FOXP2: variants seen among roughly 807,000 people sequenced by gnomAD.
The protein encoded by FOXP2 is forkhead box P2.
In FOXP2, 12 loss-of-function variants were observed where a neutral mutation model predicts 115.8. The ratio of observed to expected loss-of-function variants is 0.10; its 90% CI spans 0.07 to 0.17. FOXP2 has a LOEUF of 0.17. Among genes scored for constraint, FOXP2 ranks in the 10% least tolerant of loss-of-function variants. The pLI is 1.00. For missense variants in FOXP2, 629 were observed against 843.5 expected, an observed-to-expected ratio of 0.75 and a Z score of 3.15; for synonymous variants, 328 against 297.7, an observed-to-expected ratio of 1.10 and a Z score of -1.05.
At chr7:114,317,613 C>G (rs114617733) in intron 2 of FOXP2, among the ~76,000 whole-genome samples, 1 of 152,140 alleles carries the variant, frequency 6.6e-6, no homozygotes, top group Non-Finnish European at 1.5e-5. Context: ...TACAATTGAT[C>G]CCCTGCAGTC....
At chr7:114,356,891 A>G (rs921189502) in intron 2 of FOXP2, among the ~76,000 whole-genome samples, 1 of 152,202 alleles carries the variant, frequency 6.6e-6, no homozygotes, top group Non-Finnish European at 1.5e-5. Context: ...TAGTTATTCA[A>G]ACATTTTTAT....
intron 1 of FOXP2, among the ~76,000 whole-genome samples, chr7:114,173,279 G>A (rs1190213339): frequency 4.0e-5 from 6 of 151,716 alleles, no homozygotes; most frequent in African/African-American, 1.2e-4. Flanking sequence ...TTTCTTTGAC[G>A]TGAAATTTTA....
intron 3 of FOXP2, among the ~76,000 whole-genome samples, chr7:114,603,264 AC>A (rs1803131389): frequency 6.6e-6 from 1 of 152,082 alleles, no homozygotes; most frequent in Admixed American, 6.6e-5. Context: ...AAAGAAAGAT[AC>A]CCTTTCAATG....
chr7:114,503,633 T>C (rs1230677391), intron 2 of FOXP2, among the ~76,000 whole-genome samples: 1 of 150,994 alleles, frequency 6.6e-6, no homozygotes, highest in African/African-American at 2.4e-5. Flanking sequence ...TTTAATATAA[T>C]TTACTTTGTT....
At chr7:114,598,894 C>T (rs1584938571) in intron 3 of FOXP2, among the ~76,000 whole-genome samples, 1 of 152,154 alleles carries the variant, frequency 6.6e-6, no homozygotes, top group Non-Finnish European at 1.5e-5. Flanking sequence ...CTCTCTCACA[C>T]AGTTACTACT....
At chr7:114,616,579 G>A (rs555574134) in intron 3 of FOXP2, among the ~76,000 whole-genome samples, 69 of 152,194 alleles carry the variant, frequency 4.5e-4, no homozygotes, top group African/African-American at 1.6e-3. Context: ...TGAATTTCAG[G>A]GGTATTCATA....
intron 1 of FOXP2, among the ~76,000 whole-genome samples, chr7:114,120,936 G>A (rs542858220): frequency 6.7e-4 from 102 of 151,996 alleles, no homozygotes; most frequent in South Asian, 1.9e-3. Context: ...TTTGATGGTC[G>A]GATGACAGGG....
chr7:114,091,037 T>C (rs1375610022), intron 1 of FOXP2, among the ~76,000 whole-genome samples: 4 of 151,876 alleles, frequency 2.6e-5, no homozygotes, highest in Non-Finnish European at 4.4e-5. Flanking sequence ...AATACTAATA[T>C]TGTAGGATAC....
At chr7:114,315,893 A>G (rs1797265446) in intron 2 of FOXP2, among the ~76,000 whole-genome samples, 1 of 152,240 alleles carries the variant, frequency 6.6e-6, no homozygotes, top group South Asian at 2.1e-4. Context: ...ACTATAGCTC[A>G]TGCCTGAGAA....
intron 2 of FOXP2, among the ~76,000 whole-genome samples, chr7:114,427,093 C>G (rs1793891221): frequency 6.6e-6 from 1 of 151,672 alleles, no homozygotes; most frequent in South Asian, 2.1e-4. Context: ...ACCACAAGGA[C>G]TTTTCAAAAG....
At chr7:114,377,134 A>G (rs950055188) in intron 2 of FOXP2, among the ~76,000 whole-genome samples, 3 of 152,164 alleles carry the variant, frequency 2.0e-5, no homozygotes, top group African/African-American at 4.8e-5. Context: ...TCTATGATGA[A>G]TTTGGTTAAT....
chr7:114,237,985 C>A (rs1795055918), intron 1 of FOXP2, among the ~76,000 whole-genome samples: 1 of 152,106 alleles, frequency 6.6e-6, no homozygotes. Flanking sequence ...CTCAAACAAA[C>A]AAACAAACTA....
At chr7:114,306,931 T>A (rs1797028574) in intron 2 of FOXP2, among the ~76,000 whole-genome samples, 1 of 152,092 alleles carries the variant, frequency 6.6e-6, no homozygotes, top group Admixed American at 6.6e-5. Flanking sequence ...CACATTTAGG[T>A]CTCTTGTGAT....
Position 114,654,001 on chromosome 7 carries a change from C to T in FOXP2, c.1258C>T (p.Pro420Ser), listed in dbSNP as rs2129338688. The T allele has an allele frequency of 2.5e-6, 4 of 1,613,340 alleles. No homozygotes were observed. The highest frequency in any genetic ancestry group is 1.7e-4 in the Middle Eastern group (1 of 6,054). Residue 420 changes from proline to serine, a missense_variant, in exon 10 of 17, where the codon CCC becomes TCC. By Grantham distance (74) the Pro-to-Ser change is moderately conservative. This residue lies in a region of FOXP2 where 101 missense variants were observed against 116.0 expected (regional missense o/e 0.87). Transcript: ENST00000350908. ...GCGACCCTCAGAGCCCAAACCATCT[C>T]CCAAACCTGTAAGTGCATATTGCTT... ...HMRPSEPKPS[P>S]KPLNLVSSVT...
intron 1 of FOXP2, 122 bp from the exon 2 acceptor site, chr7:114,426,380 A>G (rs796686661): frequency 5.8e-6 from 5 of 864,264 alleles, no homozygotes; most frequent in Middle Eastern, 3.0e-4. Context: ...ATGACTATTC[A>G]AGGCTTTTTT....
intron 2 of FOXP2, among the ~76,000 whole-genome samples, chr7:114,427,626 A>C (rs553351578): frequency 6.6e-6 from 1 of 151,642 alleles, no homozygotes; most frequent in Non-Finnish European, 1.5e-5. Context: ...TTAAAATTAC[A>C]TCCATTAAAA....
chr7:114,472,964 A>G (rs1251425547), intron 2 of FOXP2, among the ~76,000 whole-genome samples: 1 of 152,148 alleles, frequency 6.6e-6, no homozygotes, highest in African/African-American at 2.4e-5. Flanking sequence ...TAAACAAATA[A>G]AACTCCCACT....
chr7:114,121,061 T>C (rs1791549362), intron 1 of FOXP2, among the ~76,000 whole-genome samples: 1 of 152,030 alleles, frequency 6.6e-6, no homozygotes, highest in Non-Finnish European at 1.5e-5. Context: ...AAAATAAGAA[T>C]ATTATGGACT....
At position 114,690,129 on chromosome 7, in the gene FOXP2, CT is replaced by C. The variant is rs398005924; in HGVS notation, c.*220del. On this transcript the variant is annotated 3_prime_UTR_variant, in exon 17 of 17. Transcript: ENST00000350908. ...TGCTTGTTTTCTTCTTCTTCTTCTT[CT>C]TTTTTTTTTTTTTTTTAGAAAAAAA... 0.13 allele frequency: 52,850 copies of C among 405,078 alleles called. 639 individuals are homozygous for C. The highest frequency in any genetic ancestry group is 0.34 in the East Asian group (5,782 of 16,868). 25.1% of individuals were successfully genotyped at this position (405,078 alleles called of 1,614,324 possible).
Sources: gnomAD v4.1 joint callset for allele counts (sites outside exome capture counted in the v4.1 genomes callset) on GRCh38, gnomAD v4.1.1 for gene constraint, gnomAD v4.1.1 regional missense constraint, MANE v1.5 for transcripts, NCBI Gene and HGNC (gene_info 2026-07-23, HGNC 2026-07-21) for gene names.